LRRTM3: variants seen among roughly 807,000 people sequenced by gnomAD.
LRRTM3 encodes leucine-rich repeat transmembrane neuronal protein 3.
In LRRTM3, 24 loss-of-function variants were observed where a neutral mutation model predicts 44.7. The observed-to-expected ratio is 0.54, with a 90% CI of 0.39 to 0.76. The LOEUF is 0.76. Among genes scored for constraint, LRRTM3 ranks in the 30% least tolerant of loss-of-function variants. LRRTM3 has a pLI of 0.00. For synonymous variants in LRRTM3, 277 were observed against 278.7 expected (o/e 0.99, Z 0.06); for missense variants, 587 against 702.2 (o/e 0.84, Z 1.85).
chr10:66,962,470 T>G (rs1164030220), intron 2 of LRRTM3, among the ~76,000 whole-genome samples: 1 of 151,672 alleles, frequency 6.6e-6, no homozygotes, highest in Non-Finnish European at 1.5e-5. Flanking sequence ...AGTGCAGTGG[T>G]GTGATCTCTG....
chr10:67,011,690 C>T (rs771469084), intron 2 of LRRTM3, among the ~76,000 whole-genome samples: 2 of 152,068 alleles, frequency 1.3e-5, no homozygotes, highest in Admixed American at 1.3e-4. Context: ...ATATAGAGTG[C>T]TTACATGTAC....
intron 2 of LRRTM3, among the ~76,000 whole-genome samples, chr10:66,955,479 T>C (rs1008889426): frequency 6.6e-6 from 1 of 152,144 alleles, no homozygotes; most frequent in Admixed American, 6.6e-5. Context: ...CATGACAGTA[T>C]GCATCTAAGA....
chr10:67,027,022 A>G (rs1222775392), intron 2 of LRRTM3, among the ~76,000 whole-genome samples: 2 of 152,204 alleles, frequency 1.3e-5, no homozygotes, highest in Admixed American at 1.3e-4. Flanking sequence ...CCTTTTACCA[A>G]TTCACAAATA....
At chr10:66,930,718 A>T (rs6480240) in intron 2 of LRRTM3, among the ~76,000 whole-genome samples, 52,407 of 152,014 alleles carry the variant, frequency 0.34, 9,755 homozygotes, top group East Asian at 0.47. Flanking sequence ...AGCTACTTGG[A>T]ATATAAAATA....
chr10:67,028,066 A>C (rs576613580), intron 2 of LRRTM3, among the ~76,000 whole-genome samples: 4 of 152,178 alleles, frequency 2.6e-5, no homozygotes, highest in Non-Finnish European at 5.9e-5. Flanking sequence ...GAACTATCCA[A>C]GGTCACACTG....
intron 2 of LRRTM3, among the ~76,000 whole-genome samples, chr10:66,996,019 T>C (rs977803209): frequency 6.6e-6 from 1 of 152,230 alleles, no homozygotes; most frequent in South Asian, 2.1e-4. Flanking sequence ...CACTTGTAAA[T>C]TATTTTAGTA....
intron 2 of LRRTM3, among the ~76,000 whole-genome samples, chr10:67,071,382 A>G (rs1209342180): frequency 6.8e-6 from 1 of 146,180 alleles, no homozygotes; most frequent in Admixed American, 6.8e-5. Context: ...TTCAATAGAT[A>G]TATTTGTATT....
intron 2 of LRRTM3, among the ~76,000 whole-genome samples, chr10:67,007,017 A>G (rs1259221540): frequency 6.6e-6 from 1 of 152,036 alleles, no homozygotes; most frequent in Non-Finnish European, 1.5e-5. Flanking sequence ...GCTGTTCTTG[A>G]ACTCCTGACC....
chr10:67,047,553 C>A (rs1267072328), intron 2 of LRRTM3, among the ~76,000 whole-genome samples: 1 of 152,146 alleles, frequency 6.6e-6, no homozygotes, highest in East Asian at 1.9e-4. Context: ...GACCACTTAT[C>A]TACCAAATCC....
intron 2 of LRRTM3, among the ~76,000 whole-genome samples, chr10:66,977,786 T>C (rs539568374): frequency 5.3e-5 from 8 of 152,210 alleles, no homozygotes; most frequent in Non-Finnish European, 7.3e-5. Context: ...ATAGTTTTTG[T>C]CCATAATTCT....
chr10:67,013,309 T>G (rs1027695999), intron 2 of LRRTM3, among the ~76,000 whole-genome samples: 5 of 152,234 alleles, frequency 3.3e-5, no homozygotes, highest in African/African-American at 7.2e-5. Flanking sequence ...TCTATAATGT[T>G]TGCTGTTTAT....
Position 67,094,579 on chromosome 10 carries a change from T to C in LRRTM3, c.1537-3008T>C, listed in dbSNP as rs577194432. Among the ~76,000 whole-genome samples, 13 of 151,944 alleles carry C rather than the reference T, an allele frequency of 8.6e-5. No homozygotes were observed. The South Asian group carries it at 2.5e-3, about 29-fold the overall frequency. ...ATATTGTCAAGCATGGTGCCTCATA[T>C]ATCACACAGTTTCAATAATTTTTAT... On this transcript the variant is annotated intron_variant, in intron 2 of 2. Transcript: ENST00000361320.
At position 66,927,994 on chromosome 10, in the gene LRRTM3, A is replaced by G; in HGVS notation, c.1078A>G (p.Ile360Val). The G allele has an allele frequency of 6.2e-7, 1 of 1,614,234 alleles. No individual in the cohort carries two copies. The highest frequency in any genetic ancestry group is 1.1e-5 in the South Asian group (1 of 91,088). Reference protein sequence around the residue: ...NVIDAVKNYSICGKSTTERFD... With the variant: ...NVIDAVKNYSVCGKSTTERFD... ...GATCGATGCAGTGAAGAACTACAGC[A>G]TCTGTGGCAAAAGTACTACAGAGAG... The change falls in exon 2 of 3, where the codon ATC becomes GTC. Residue 360 changes from isoleucine to valine, a missense_variant. Transcript: ENST00000361320. The surrounding 1 kb of genome is among the most constrained non-coding windows in gnomAD (Gnocchi z 4.7).
At chr10:67,021,530 A>G (rs889268173) in intron 2 of LRRTM3, among the ~76,000 whole-genome samples, 5 of 152,164 alleles carry the variant, frequency 3.3e-5, no homozygotes, top group Non-Finnish European at 7.4e-5. Context: ...AACAAAAATT[A>G]CAATAAAAAA....
chr10:67,038,855 T>C (rs942512912), intron 2 of LRRTM3, among the ~76,000 whole-genome samples: 2 of 151,834 alleles, frequency 1.3e-5, no homozygotes, highest in Non-Finnish European at 2.9e-5. Flanking sequence ...TATGTCTTTA[T>C]ATATTATGTT....
chr10:66,943,868 A>C lies in LRRTM3; in HGVS notation c.1536+15416A>C, dbSNP rs2132692366. Among the ~76,000 whole-genome samples the C allele has an allele frequency of 2.6e-5, 4 of 152,326 alleles. 1 individual carries two copies. Among genetic ancestry groups the C allele is most frequent in the Admixed American group, 2.6e-4 (4 of 15,296 alleles). On this transcript the variant is annotated intron_variant, in intron 2 of 2. Coordinates refer to ENST00000361320, the MANE Select transcript of LRRTM3 (RefSeq NM_178011.5). ...GTGTGCAGTAGCACTATGTCAAAGA[A>C]ACAATGTGCTTATAATTTAAAAATA...
chr10:66,955,182 GA>G (rs1263419055), intron 2 of LRRTM3, among the ~76,000 whole-genome samples: 1 of 152,012 alleles, frequency 6.6e-6, no homozygotes, highest in Non-Finnish European at 1.5e-5. Context: ...TTGTTTCCCT[GA>G]AAAGATCCAT....
At chr10:67,054,455 C>T (rs1855301605) in intron 2 of LRRTM3, among the ~76,000 whole-genome samples, 1 of 152,124 alleles carries the variant, frequency 6.6e-6, no homozygotes, top group Non-Finnish European at 1.5e-5. Context: ...AATCTCTGGC[C>T]TAATGCTTCA....
chr10:67,034,531 T>A (rs1267823141), intron 2 of LRRTM3, among the ~76,000 whole-genome samples: 3 of 152,166 alleles, frequency 2.0e-5, no homozygotes, highest in African/African-American at 7.2e-5. Context: ...ATCATTTCAA[T>A]CTCCTACCCT....
Sources: gnomAD v4.1 joint callset for allele counts (sites outside exome capture counted in the v4.1 genomes callset) on GRCh38, gnomAD v4.1.1 for gene constraint, Gnocchi (gnomAD v3.1) non-coding constraint, MANE v1.5 for transcripts, NCBI Gene and HGNC (gene_info 2026-07-23, HGNC 2026-07-21) for gene names.